The following PHC3 variants were observed in gnomAD, a reference collection of about 807,000 sequenced individuals.
PHC3 encodes polyhomeotic homolog 3, also known as polyhomeotic-like protein 3.
Under a neutral mutation model 107.4 loss-of-function variants are expected in PHC3, and 13 were observed. That is an observed-to-expected ratio of 0.12 (90% CI 0.08 to 0.19). The LOEUF (loss-of-function observed/expected upper bound fraction) is 0.19, where lower values mean the gene tolerates loss of function less well. Among genes scored for constraint, PHC3 ranks in the 10% least tolerant of loss-of-function variants. The pLI is 1.00. For synonymous variants in PHC3, 456 were observed against 427.4 expected, an observed-to-expected ratio of 1.07 and a Z score of -0.83; for missense variants, 992 against 1,210.9, an observed-to-expected ratio of 0.82 and a Z score of 2.68.
intron 6 of PHC3, among the ~76,000 whole-genome samples, chr3:170,140,683 T>A (rs1723946129): frequency 7.4e-6 from 1 of 134,278 alleles, no homozygotes; most frequent in Non-Finnish European, 1.6e-5. Context: ...AACCTCCACA[T>A]CTCGGGTGCA....
rs1281769867 is a variant in PHC3, at chr3:170,092,747, C to G, written c.*4483G>C. The G allele has an allele frequency of 6.6e-6, 1 of 152,174 alleles. No homozygotes were observed. Among genetic ancestry groups the G allele is most frequent in the Non-Finnish European group, 1.5e-5 (1 of 68,022 alleles). 9.4% of individuals were successfully genotyped at this position (152,174 alleles called of 1,614,324 possible). On this transcript the variant is annotated 3_prime_UTR_variant, in exon 15 of 15. Transcript: ENST00000495893. ...TGAATTTTTGACAAATATTCTCCAA[C>G]TGTAATAAAAGGTTCTCACCTTTTT...
chr3:170,168,427 T>C (rs552441980), intron 4 of PHC3, among the ~76,000 whole-genome samples: 1 of 152,226 alleles, frequency 6.6e-6, no homozygotes, highest in East Asian at 1.9e-4. Context: ...GACATAAACC[T>C]AAAGGCTCAG....
At chr3:170,098,355 TTAAG>T (rs1197243533) in intron 14 of PHC3, among the ~76,000 whole-genome samples, 12 of 152,114 alleles carry the variant, frequency 7.9e-5, no homozygotes, top group Admixed American at 3.9e-4. Context: ...AACTGACAGC[TTAAG>T]TTTTTCTATT....
intron 10 of PHC3, chr3:170,117,005 T>C (rs1268931806): frequency 1.9e-6 from 1 of 531,904 alleles, no homozygotes. Context: ...TCCTGAAATT[T>C]TTTTCATTTT....
rs1720568380 is a variant in PHC3, at chr3:170,122,624, C to T, written c.1909G>A (p.Gly637Arg). Residue 637 changes from glycine to arginine, a missense_variant, in exon 9 of 15, where the codon GGA becomes AGA. Gly to Arg is a moderately radical substitution (Grantham distance 125). This residue lies in a region of PHC3 where 543 missense variants were observed against 590.8 expected (regional missense o/e 0.92). Coordinates refer to ENST00000495893, the MANE Select transcript of PHC3 (RefSeq NM_024947.4). Reference sequence around the variant, plus strand: ...GGATGTTCAGAAGTCAAATCTTCTCCTCTCCCCACTGTTATAGCTGCTGGA... The same window carrying T: ...GGATGTTCAGAAGTCAAATCTTCTCTTCTCCCCACTGTTATAGCTGCTGGA... The part of the protein sequence containing the change: ...LSPAAITVGR[G>R]EDLTSEHPLL... 1 of 1,613,960 alleles carries T rather than the reference C, an allele frequency of 6.2e-7. No homozygotes were observed. The highest frequency in any genetic ancestry group is 1.1e-5 in the South Asian group (1 of 91,086).
chr3:170,126,538 T>C (rs1184583641), intron 8 of PHC3, among the ~76,000 whole-genome samples: 3 of 140,222 alleles, frequency 2.1e-5, no homozygotes, highest in African/African-American at 8.6e-5. Flanking sequence ...ATTTTTTTTT[T>C]TTTTTCCTTT....
At chr3:170,099,167 C>T (rs1715057129) in intron 14 of PHC3, among the ~76,000 whole-genome samples, 2 of 152,094 alleles carry the variant, frequency 1.3e-5, no homozygotes, top group Non-Finnish European at 2.9e-5. Context: ...AGGAGTTCTC[C>T]ATGAGGAAAA....
intron 4 of PHC3, among the ~76,000 whole-genome samples, chr3:170,160,727 C>G (rs547736673): frequency 5.3e-5 from 8 of 152,178 alleles, no homozygotes; most frequent in African/African-American, 1.7e-4. Flanking sequence ...ATAGTGAAAC[C>G]CTGTCTCTAC....
At chr3:170,139,550 T>A (rs1723692443) in intron 6 of PHC3, among the ~76,000 whole-genome samples, 1 of 152,228 alleles carries the variant, frequency 6.6e-6, no homozygotes, top group South Asian at 2.1e-4. Flanking sequence ...ACCTGCAGCA[T>A]ATCCATTTCT....
At chr3:170,101,232 T>C (rs1012965083) in intron 14 of PHC3, among the ~76,000 whole-genome samples, 17 of 152,334 alleles carry the variant, frequency 1.1e-4, no homozygotes, top group Admixed American at 4.6e-4. Context: ...AACAATTCCA[T>C]CTTTCTTTAA....
At position 170,113,523 on chromosome 3, in the gene PHC3, TA is replaced by T; in HGVS notation, c.2194-5del. 2.5e-6 allele frequency: 4 copies of T among 1,580,866 alleles called. No individual in the cohort carries two copies. The highest frequency in any genetic ancestry group is 2.6e-6 in the Non-Finnish European group (3 of 1,168,062). The stretch of plus-strand genomic sequence containing the variant: ...TTAGCAAAGAGGAACGACTCACCTT[TA>T]AAAAAGGAGAAATAATAAAATGAAA... On this transcript the variant is annotated splice_polypyrimidine_tract_variant and splice_region_variant and intron_variant, in intron 10 of 14. Coordinates refer to ENST00000495893, the MANE Select transcript of PHC3 (RefSeq NM_024947.4).
intron 11 of PHC3, 22 bp from the exon 12 acceptor site, chr3:170,106,968 GA>G (rs748384698): frequency 2.3e-5 from 36 of 1,548,378 alleles, no homozygotes; most frequent in Admixed American, 8.3e-5. Context: ...GGAAACAAAG[GA>G]AAAAAAGGTT....
At chr3:170,128,514 GC>G in intron 8 of PHC3, 169 bp downstream of exon 8, 1 of 1,106,084 alleles carries the variant, frequency 9.0e-7, no homozygotes, top group Non-Finnish European at 1.2e-6. Flanking sequence ...ACAAACAATG[GC>G]ATTTTTTTTT....
intron 4 of PHC3, chr3:170,171,077 G>A (rs1460740057): frequency 4.6e-6 from 2 of 438,902 alleles, no homozygotes; most frequent in Non-Finnish European, 7.9e-6. Flanking sequence ...TCCCTGCATT[G>A]TATATTTTAG....
chr3:170,126,447 G>A (rs1433844540), intron 8 of PHC3, among the ~76,000 whole-genome samples: 1 of 148,136 alleles, frequency 6.8e-6, no homozygotes, highest in Non-Finnish European at 1.5e-5. Flanking sequence ...TAAGGTAGAA[G>A]TGCAGGAAGC....
intron 6 of PHC3, among the ~76,000 whole-genome samples, chr3:170,137,465 T>C (rs879188598): frequency 6.6e-6 from 1 of 152,168 alleles, no homozygotes; most frequent in Non-Finnish European, 1.5e-5. Flanking sequence ...ACTTCTTGCC[T>C]ATCTAGAATG....
chr3:170,128,516 A>T (rs1361605354), intron 8 of PHC3, 168 bp downstream of exon 8: 77 of 923,600 alleles, frequency 8.3e-5, no homozygotes, highest in Non-Finnish European at 1.0e-4. Flanking sequence ...AAACAATGGC[A>T]TTTTTTTTTT....
chr3:170,140,086 T>C (rs1297689842), intron 6 of PHC3, among the ~76,000 whole-genome samples: 7 of 152,040 alleles, frequency 4.6e-5, no homozygotes, highest in African/African-American at 1.7e-4. Context: ...ATTATCATAG[T>C]ATCCCTAAGA....
intron 3 of PHC3, 97 bp downstream of exon 3, chr3:170,172,460 T>G (rs946380167): frequency 5.3e-6 from 7 of 1,330,288 alleles, no homozygotes; most frequent in East Asian, 2.4e-5. Context: ...CCACAGGACA[T>G]CTGAGAACTC....
Sources: gnomAD v4.1 joint callset for allele counts (sites outside exome capture counted in the v4.1 genomes callset) on GRCh38, gnomAD v4.1.1 for gene constraint, gnomAD v4.1.1 regional missense constraint, MANE v1.5 for transcripts, NCBI Gene and HGNC (gene_info 2026-07-23, HGNC 2026-07-21) for gene names.